The following TRIM67 variants were observed in gnomAD, a reference collection of about 807,000 sequenced individuals.
The protein encoded by TRIM67 is tripartite motif containing 67, also known as tripartite motif-containing protein 67.
In TRIM67, 39 loss-of-function variants were observed where a neutral mutation model predicts 71.0. That is an observed-to-expected ratio of 0.55 (90% CI 0.43 to 0.72). The LOEUF (loss-of-function observed/expected upper bound fraction) is 0.72, where lower values mean the gene tolerates loss of function less well. TRIM67 is among the 30% of genes least tolerant of loss of function. TRIM67 has a pLI of 0.00. For synonymous variants in TRIM67, 481 were observed against 473.9 expected, an observed-to-expected ratio of 1.01 and a Z score of -0.19; for missense variants, 973 against 1,079.2, an observed-to-expected ratio of 0.90 and a Z score of 1.38.
In TRIM67 at chr1:231,209,329, G is replaced by A; in HGVS notation, c.2123+79G>A. 1 of 1,416,978 alleles carries A rather than the reference G, an allele frequency of 7.1e-7. No homozygotes were observed. 87.8% of individuals were successfully genotyped at this position (1,416,978 alleles called of 1,614,324 possible). On this transcript the variant is annotated intron_variant, in intron 8 of 9. Transcript: ENST00000366653. The surrounding 1 kb of genome is among the most constrained non-coding windows in gnomAD (Gnocchi z 4.1). ...GGTCCTGAAGACCAGTGTCCCTTCTGCTGTCCCCAAAGCCAGGAGGAATTG... is the reference window on the plus strand; with the variant it reads ...GGTCCTGAAGACCAGTGTCCCTTCTACTGTCCCCAAAGCCAGGAGGAATTG...
At chr1:231,215,101 G>A (rs1331891529) in intron 9 of TRIM67, among the ~76,000 whole-genome samples, 1 of 152,232 alleles carries the variant, frequency 6.6e-6, no homozygotes, top group Non-Finnish European at 1.5e-5. Flanking sequence ...CTCCTGTGAT[G>A]GCGTCTACTT....
At chr1:231,200,454 A>G (rs1402646430) in intron 4 of TRIM67, among the ~76,000 whole-genome samples, 196 bp downstream of exon 4, 1 of 152,254 alleles carries the variant, frequency 6.6e-6, no homozygotes, top group South Asian at 2.1e-4. Flanking sequence ...TGCAGCATGC[A>G]TGAAACGAGG....
intron 6 of TRIM67, among the ~76,000 whole-genome samples, chr1:231,204,271 AC>A (rs1329069170): frequency 6.6e-6 from 1 of 151,856 alleles, no homozygotes; most frequent in East Asian, 1.9e-4. Context: ...TTTCCCGTTT[AC>A]CCCCAGCCCC....
chr1:231,182,353 G>A (rs1179487295), intron 1 of TRIM67, among the ~76,000 whole-genome samples: 2 of 152,074 alleles, frequency 1.3e-5, no homozygotes, highest in African/African-American at 2.4e-5. Context: ...CCTGAGGCCA[G>A]GAGTTTTAAA....
In TRIM67 at chr1:231,163,376, G is replaced by C; in HGVS notation, c.407G>C (p.Gly136Ala). The change falls in exon 1 of 10, where the codon GGC (glycine) becomes GCC (alanine). Residue 136 changes from glycine to alanine, a missense_variant. Physicochemically the swap from Gly to Ala is moderately conservative, Grantham distance 60. This residue lies in a region of TRIM67 where 795 missense variants were observed against 831.3 expected (regional missense o/e 0.96). Coordinates refer to ENST00000366653, the MANE Select transcript of TRIM67 (RefSeq NM_001004342.5). ...RVLPMVPAPPGSSAAAARGAA... is the reference protein window; with the variant it reads ...RVLPMVPAPPASSAAAARGAA... ...CTGCCCATGGTGCCCGCACCACCCG[G>C]CTCCTCGGCTGCGGCGGCTCGGGGT... The C allele has an allele frequency of 6.5e-7, 1 of 1,535,702 alleles. No homozygotes were observed. Among genetic ancestry groups the C allele is most frequent in the Non-Finnish European group, 8.8e-7 (1 of 1,142,130 alleles).
chr1:231,212,512 T>C (rs556136696), intron 8 of TRIM67, among the ~76,000 whole-genome samples: 1 of 152,294 alleles, frequency 6.6e-6, no homozygotes, highest in South Asian at 2.1e-4. Flanking sequence ...GAGAGAGTCT[T>C]ATTTACATGA....
At chr1:231,212,908 G>C (rs1052014186) in intron 8 of TRIM67, among the ~76,000 whole-genome samples, 1 of 152,140 alleles carries the variant, frequency 6.6e-6, no homozygotes, top group Admixed American at 6.5e-5. Context: ...GAGCACAATG[G>C]ACATTCTCAA....
In TRIM67 at chr1:231,206,805, C is replaced by A. The variant is rs1264238705; in HGVS notation, c.1819+15C>A. 1 of 1,575,946 alleles carries A rather than the reference C, an allele frequency of 6.3e-7. No individual in the cohort carries two copies. The highest frequency in any genetic ancestry group is 2.3e-5 in the East Asian group (1 of 43,192). ...GACATCCGATGGTGAGCATCGGGATCTCTTAGTGGGAAGAACAGATTCATC... is the reference window on the plus strand; with the variant it reads ...GACATCCGATGGTGAGCATCGGGATATCTTAGTGGGAAGAACAGATTCATC... On this transcript the variant is annotated intron_variant, in intron 7 of 9. Coordinates refer to ENST00000366653, the MANE Select transcript of TRIM67 (RefSeq NM_001004342.5).
chr1:231,208,839 G>T, intron 7 of TRIM67, 108 bp from the exon 8 acceptor site: 1 of 1,105,260 alleles, frequency 9.0e-7, no homozygotes, highest in Non-Finnish European at 1.3e-6. Context: ...TCACTTCTGG[G>T]TGCCGACTTT....
intron 6 of TRIM67, among the ~76,000 whole-genome samples, chr1:231,206,234 T>C (rs940069986): frequency 6.6e-6 from 1 of 151,684 alleles, no homozygotes; most frequent in African/African-American, 2.4e-5. Context: ...TCGAGACCAG[T>C]CTGGCCAACA....
Position 231,220,173 on chromosome 1 carries a change from G to GT in TRIM67, c.*4735dup, listed in dbSNP as rs201063819. 1 of 369,238 alleles carries GT rather than the reference G, an allele frequency of 2.7e-6. No homozygotes were observed. Among genetic ancestry groups the GT allele is most frequent in the Non-Finnish European group, 5.2e-6 (1 of 192,536 alleles). 22.9% of individuals were successfully genotyped at this position (369,238 alleles called of 1,614,324 possible). On this transcript the variant is annotated 3_prime_UTR_variant, in exon 10 of 10. Transcript: ENST00000366653. ...TCAGTGACTCAAACCTGTGGGGGGC[G>GT]TTCCAGTGTTCTCTGACCAGTGTCT...
At chr1:231,192,676 T>C (rs544866579) in intron 1 of TRIM67, among the ~76,000 whole-genome samples, 1 of 152,366 alleles carries the variant, frequency 6.6e-6, no homozygotes, top group African/African-American at 2.4e-5. Flanking sequence ...CGACAGCGGC[T>C]AGCCCTCACA....
Position 231,217,653 on chromosome 1 carries a change from A to T in TRIM67, c.*2213A>T, listed in dbSNP as rs989581048. On this transcript the variant is annotated 3_prime_UTR_variant, in exon 10 of 10. Transcript: ENST00000366653. ...GTGGGCTAGGCAGGGCTGCCTGGTG[A>T]CAGCAGCTTCTCACAGGGGAGCCCT... 2.6e-6 allele frequency: 3 copies of T among 1,159,844 alleles called. No homozygotes were observed. The Admixed American group carries it at 1.1e-4, about 43-fold the overall frequency. The allele number at this position is 1,159,844 out of a possible 1,614,324, so 71.8% of individuals were successfully genotyped here.
Position 231,163,753 on chromosome 1 carries a change from G to T in TRIM67, c.784G>T (p.Glu262Ter). Residue 262 changes from glutamate to a stop codon, truncating the protein, a stop_gained, in exon 1 of 10, where the codon GAG becomes TAG. Coordinates refer to ENST00000366653, the MANE Select transcript of TRIM67 (RefSeq NM_001004342.5). LOFTEE classifies it high-confidence loss of function. ...GCCGCCGCCGCCGCCGCCGCCCGCC[G>T]AGGCAGCCTCCGGGCCCACTGGCAC... The part of the protein sequence containing the change: ...QPPPPPPPPA[E>*]AASGPTGTAQ... 6.7e-7 allele frequency: 1 copy of T among 1,493,638 alleles called. No individual in the cohort carries two copies. The highest frequency in any genetic ancestry group is 1.3e-5 in the South Asian group (1 of 78,382). The allele number at this position is 1,493,638 out of a possible 1,614,324, so 92.5% of individuals were successfully genotyped here. A position where few individuals can be genotyped will look rare whatever the true frequency, so the allele number is the denominator to read the frequency against.
At chr1:231,170,031 G>A (rs1682585029) in intron 1 of TRIM67, among the ~76,000 whole-genome samples, 1 of 133,926 alleles carries the variant, frequency 7.5e-6, no homozygotes, top group Non-Finnish European at 1.5e-5. Flanking sequence ...TTGTTGCCCA[G>A]GCTGGAGTGC....
At chr1:231,194,360 G>C (rs540519346) in intron 1 of TRIM67, among the ~76,000 whole-genome samples, 206 of 152,306 alleles carry the variant, frequency 1.4e-3, no homozygotes, top group African/African-American at 4.6e-3. Flanking sequence ...GGGTGGAGTT[G>C]TCCTGGGCTC....
intron 1 of TRIM67, among the ~76,000 whole-genome samples, chr1:231,166,011 C>T (rs919430805): frequency 6.6e-6 from 1 of 152,204 alleles, no homozygotes; most frequent in African/African-American, 2.4e-5. Flanking sequence ...GTTTAAAGAA[C>T]TAAGGTTATA....
chr1:231,184,820 T>C (rs1186969198), intron 1 of TRIM67: 1 of 594,620 alleles, frequency 1.7e-6, no homozygotes, highest in Admixed American at 3.0e-5. Context: ...CATTAAACCT[T>C]GAGGCAGGCC....
At chr1:231,202,538 A>G (rs1225567620) in intron 5 of TRIM67, among the ~76,000 whole-genome samples, 1 of 152,148 alleles carries the variant, frequency 6.6e-6, no homozygotes, top group East Asian at 1.9e-4. Context: ...TGCTGGCCAG[A>G]ACCGGAGTCC....
Sources: allele counts gnomAD v4.1 joint callset (sites outside exome capture counted in the v4.1 genomes callset), GRCh38; gene constraint gnomAD v4.1.1; regional missense constraint gnomAD v4.1.1; non-coding constraint Gnocchi (gnomAD v3.1); transcripts MANE v1.5; gene names NCBI Gene and HGNC (gene_info 2026-07-23, HGNC 2026-07-21).